The following LRRC4C variants were observed in gnomAD, a reference collection of about 807,000 sequenced individuals.
LRRC4C encodes the protein leucine rich repeat containing 4C.
Under a neutral mutation model 33.6 loss-of-function variants are expected in LRRC4C, and 5 were observed. That is an observed-to-expected ratio of 0.15 (90% confidence interval 0.08 to 0.31). The LOEUF (loss-of-function observed/expected upper bound fraction) is 0.31, where lower values mean the gene tolerates loss of function less well. Among genes scored for constraint, LRRC4C ranks in the 10% least tolerant of loss-of-function variants. LRRC4C has a pLI of 1.00. For missense variants in LRRC4C, 560 were observed against 796.7 expected (o/e 0.70, Z 3.58); for synonymous variants, 329 against 302.0 (o/e 1.09, Z -0.93).
Position 40,518,804 on chromosome 11 carries a change from T to C in LRRC4C, c.-270+129338A>G, listed in dbSNP as rs528670882. On this transcript the variant is annotated intron_variant, in intron 3 of 6. Transcript: ENST00000528697. ...TGCTATAAAGACACATGCACACATA[T>C]TGCGGCACTATTCACAATAGCAAAG... 6.6e-5 allele frequency among the ~76,000 whole-genome samples: 10 copies of C among 151,876 alleles called. No homozygotes were observed. The South Asian group carries it at 2.1e-3, about 32-fold the overall frequency.
intron 1 of LRRC4C, among the ~76,000 whole-genome samples, chr11:41,415,691 A>G (rs1954651869): frequency 6.6e-6 from 1 of 152,078 alleles, no homozygotes; most frequent in Non-Finnish European, 1.5e-5. Context: ...TTTTTATGAG[A>G]TGTTGTAAAG....
chr11:40,291,271 C>G (rs560961647), intron 4 of LRRC4C, among the ~76,000 whole-genome samples: 2 of 152,268 alleles, frequency 1.3e-5, no homozygotes, highest in African/African-American at 4.8e-5. Flanking sequence ...TAAGCATTTT[C>G]CACCTTCTGC....
intron 1 of LRRC4C, among the ~76,000 whole-genome samples, chr11:41,352,393 G>A (rs1234058515): frequency 6.6e-6 from 1 of 152,144 alleles, no homozygotes; most frequent in Admixed American, 6.5e-5. Flanking sequence ...CCTAACAGGA[G>A]ACACAGATAA....
At chr11:40,876,813 G>A (rs1954915745) in intron 2 of LRRC4C, among the ~76,000 whole-genome samples, 1 of 147,426 alleles carries the variant, frequency 6.8e-6, no homozygotes, top group African/African-American at 2.5e-5. Flanking sequence ...TGAGGCTCAA[G>A]AATTGCTTGA....
chr11:40,289,478 C>T (rs1169756490), intron 4 of LRRC4C, among the ~76,000 whole-genome samples: 1 of 152,094 alleles, frequency 6.6e-6, no homozygotes, highest in Non-Finnish European at 1.5e-5. Flanking sequence ...TTGTAAAACC[C>T]AGTAGCTTTC....
intron 1 of LRRC4C, among the ~76,000 whole-genome samples, chr11:41,008,342 C>T (rs1432216344): frequency 6.6e-6 from 1 of 152,160 alleles, no homozygotes; most frequent in African/African-American, 2.4e-5. Flanking sequence ...CCTACATTAT[C>T]TGTCCCCCGT....
chr11:41,445,432 G>T (rs553988152), intron 1 of LRRC4C, among the ~76,000 whole-genome samples: 3 of 152,268 alleles, frequency 2.0e-5, no homozygotes, highest in East Asian at 3.9e-4. Flanking sequence ...GATAGCAAGT[G>T]ATTTTTAAGG....
chr11:40,557,362 G>T (rs1222467591), intron 3 of LRRC4C, among the ~76,000 whole-genome samples: 1 of 152,058 alleles, frequency 6.6e-6, no homozygotes, highest in Non-Finnish European at 1.5e-5. Context: ...ATGAAAATTA[G>T]AAATAATGAC....
rs112704632 is a variant in LRRC4C, at chr11:40,439,237, G to A, written c.-269-119516C>T. On this transcript the variant is annotated intron_variant, in intron 3 of 6. Coordinates refer to ENST00000528697, the MANE Select transcript of LRRC4C (RefSeq NM_001258419.2). ...TTAGAGGCGTGAGCCACTGGGCCTG[G>A]CCTATAAGTTGCTACTTTTTTACTG... Among the ~76,000 whole-genome samples, 92 of 151,856 alleles carry A rather than the reference G, an allele frequency of 6.1e-4. 1 individual carries two copies. The highest frequency in any genetic ancestry group is 1.9e-3 in the African/African-American group (80 of 41,428).
At chr11:40,218,436 C>T (rs1029455213) in intron 5 of LRRC4C, among the ~76,000 whole-genome samples, 2 of 152,064 alleles carry the variant, frequency 1.3e-5, no homozygotes, top group Admixed American at 6.6e-5. Flanking sequence ...AATCACAGAA[C>T]ATTTAAAATT....
chr11:41,286,532 A>T (rs1949833594), intron 1 of LRRC4C, among the ~76,000 whole-genome samples: 1 of 152,190 alleles, frequency 6.6e-6, no homozygotes, highest in South Asian at 2.1e-4. Flanking sequence ...TGAGAGCTCT[A>T]ATAGAATGGT....
At chr11:40,117,654 C>T (rs1245252510) in intron 6 of LRRC4C, among the ~76,000 whole-genome samples, 1 of 150,486 alleles carries the variant, frequency 6.6e-6, no homozygotes, top group Non-Finnish European at 1.5e-5. Flanking sequence ...TCCCAAGTCT[C>T]TCAACTCAAT....
At chr11:40,183,411 G>A (rs902946333) in intron 5 of LRRC4C, among the ~76,000 whole-genome samples, 3 of 152,092 alleles carry the variant, frequency 2.0e-5, no homozygotes, top group Non-Finnish European at 1.5e-5. Flanking sequence ...CACATCTCTA[G>A]AAACAGACCA....
chr11:40,389,442 T>A (rs1949249632), intron 3 of LRRC4C, among the ~76,000 whole-genome samples: 1 of 149,864 alleles, frequency 6.7e-6, no homozygotes, highest in Admixed American at 6.8e-5. Context: ...ACGTATCCAA[T>A]GCTTCTAAAT....
At chr11:41,430,966 T>G (rs1446932232) in intron 1 of LRRC4C, among the ~76,000 whole-genome samples, 1 of 152,122 alleles carries the variant, frequency 6.6e-6, no homozygotes, top group Non-Finnish European at 1.5e-5. Flanking sequence ...AATGCATTGT[T>G]GTGGCACTAC....
intron 1 of LRRC4C, among the ~76,000 whole-genome samples, chr11:41,046,889 C>T (rs1048695920): frequency 3.3e-5 from 5 of 152,048 alleles, no homozygotes; most frequent in Admixed American, 2.0e-4. Context: ...AAAATAAAAA[C>T]TTTTATAAAT....
At chr11:41,239,938 T>C (rs556129622) in intron 1 of LRRC4C, among the ~76,000 whole-genome samples, 1 of 152,232 alleles carries the variant, frequency 6.6e-6, no homozygotes, top group African/African-American at 2.4e-5. Context: ...TGGAATCCTC[T>C]TGATGATTTT....
chr11:40,332,869 T>A (rs1023839678), intron 3 of LRRC4C, among the ~76,000 whole-genome samples: 13 of 152,328 alleles, frequency 8.5e-5, no homozygotes, highest in East Asian at 3.9e-4. Flanking sequence ...CATTATAGCA[T>A]CTGCATATAT....
intron 1 of LRRC4C, among the ~76,000 whole-genome samples, chr11:41,155,333 T>C (rs11036257): frequency 0.034 from 5,130 of 152,202 alleles, 120 homozygotes; most frequent in East Asian, 0.07. Flanking sequence ...GAAGTTCCCT[T>C]AGCAAGAACA....
Sources: gnomAD v4.1 joint callset for allele counts (sites outside exome capture counted in the v4.1 genomes callset) on GRCh38, gnomAD v4.1.1 for gene constraint, MANE v1.5 for transcripts, NCBI Gene and HGNC (gene_info 2026-07-23, HGNC 2026-07-21) for gene names.